HGSNAT: variants seen among roughly 807,000 people sequenced by gnomAD.
HGSNAT encodes the protein heparan-alpha-glucosaminide N-acetyltransferase.
A neutral mutation model predicts 85.2 loss-of-function variants in HGSNAT; 59 were observed. The observed-to-expected ratio is 0.69, with a 90% CI of 0.56 to 0.86. The LOEUF (loss-of-function observed/expected upper bound fraction) is 0.86, where lower values mean the gene tolerates loss of function less well. Ranked by LOEUF, HGSNAT falls within the 40% of genes least tolerant of loss-of-function variation. The pLI, the probability that HGSNAT is intolerant of heterozygous loss-of-function variation, is 0.00. For missense variants in HGSNAT, 756 were observed against 777.1 expected (o/e 0.97, Z 0.32); for synonymous variants, 321 against 304.5 (o/e 1.05, Z -0.56).
At chr8:43,147,706 T>C (rs112968808) in intron 2 of HGSNAT, among the ~76,000 whole-genome samples, 1,868 of 152,190 alleles carry the variant, frequency 0.012, 47 homozygotes, top group African/African-American at 0.041. Flanking sequence ...ATTGGGTACT[T>C]ATGAACATAA....
intron 1 of HGSNAT, among the ~76,000 whole-genome samples, chr8:43,142,776 A>G (rs1802592576): frequency 1.3e-5 from 2 of 152,254 alleles, no homozygotes; most frequent in Non-Finnish European, 2.9e-5. Flanking sequence ...GCCCCTCTGC[A>G]CATTCCCAAA....
chr8:43,160,969 A>T (rs967483718), intron 4 of HGSNAT, among the ~76,000 whole-genome samples: 20 of 152,130 alleles, frequency 1.3e-4, no homozygotes, highest in African/African-American at 4.8e-4. Flanking sequence ...TGCATTTTTT[A>T]CTGGTATACA....
rs1239460572 is a variant in HGSNAT at position 43,147,015 on chromosome 8, T to C, written c.186T>C (p.Leu62=). 2 of 1,609,760 alleles carry C rather than the reference T, an allele frequency of 1.2e-6. No homozygotes were observed. Among genetic ancestry groups the C allele is most frequent in the Non-Finnish European group, 1.7e-6 (2 of 1,178,716 alleles). ...DQALLLIHNE[L]LWTNLTVYWK... ...CTTTGCTACTCATCCATAATGAACT[T>C]CTCTGGACCAACTTGACCGTCTACT... Residue 62 remains leucine, a synonymous_variant, in exon 2 of 18, where the codon CTT becomes CTC. Coordinates refer to ENST00000379644, the MANE Select transcript of HGSNAT (RefSeq NM_152419.3).
chr8:43,149,699 CAAAA>C (rs932162299), intron 2 of HGSNAT, among the ~76,000 whole-genome samples: 2 of 129,158 alleles, frequency 1.5e-5, no homozygotes, highest in African/African-American at 2.9e-5. Context: ...GACTCTGTCT[CAAAA>C]AAAAAAAAAA....
chr8:43,172,995 T>C (rs905005487), intron 8 of HGSNAT, among the ~76,000 whole-genome samples: 14 of 152,332 alleles, frequency 9.2e-5, no homozygotes, highest in African/African-American at 3.4e-4. Flanking sequence ...GTTTACTTTC[T>C]TTTTTTAAAG....
chr8:43,164,486 C>T (rs537556963), intron 5 of HGSNAT, among the ~76,000 whole-genome samples: 11 of 152,092 alleles, frequency 7.2e-5, no homozygotes, highest in African/African-American at 1.9e-4. Context: ...TGATTTAAAG[C>T]GAGAGACGTG....
rs1325231089 is a variant in HGSNAT, at chr8:43,200,181, A to G, written c.*612A>G. 6.6e-6 allele frequency: 1 copy of G among 152,238 alleles called. No homozygotes were observed. Among genetic ancestry groups the G allele is most frequent in the Non-Finnish European group, 1.5e-5 (1 of 68,044 alleles). 9.4% of individuals were successfully genotyped at this position (152,238 alleles called of 1,614,324 possible). Reference sequence around the variant, plus strand: ...CCTTTTCCTCTCTCGAAAAGTTAAAATATCTATGTGTTATTCCCAAACCCT... The same window carrying G: ...CCTTTTCCTCTCTCGAAAAGTTAAAGTATCTATGTGTTATTCCCAAACCCT... On this transcript the variant is annotated 3_prime_UTR_variant, in exon 18 of 18. Coordinates refer to ENST00000379644, the MANE Select transcript of HGSNAT (RefSeq NM_152419.3).
chr8:43,186,722 A>G (rs1586745057), intron 11 of HGSNAT, among the ~76,000 whole-genome samples: 1 of 152,032 alleles, frequency 6.6e-6, no homozygotes, highest in Admixed American at 6.6e-5. Flanking sequence ...AGTTCTTTTA[A>G]TTGTGATGTT....
chr8:43,160,417 C>T (rs1459312535), intron 4 of HGSNAT, among the ~76,000 whole-genome samples: 1 of 152,148 alleles, frequency 6.6e-6, no homozygotes, highest in African/African-American at 2.4e-5. Context: ...ACACATCCAC[C>T]AGTCATGGGG....
chr8:43,189,596 C>T (rs986417832), intron 11 of HGSNAT, among the ~76,000 whole-genome samples: 1 of 152,104 alleles, frequency 6.6e-6, no homozygotes, highest in African/African-American at 2.4e-5. Flanking sequence ...GATGCTCCAC[C>T]CTGCTCCGTG....
intron 1 of HGSNAT, among the ~76,000 whole-genome samples, chr8:43,142,984 C>G (rs993674787): frequency 1.3e-5 from 2 of 152,182 alleles, no homozygotes; most frequent in Admixed American, 6.5e-5. Context: ...GCTTCATGGT[C>G]TCTTGGGTAT....
In HGSNAT at chr8:43,149,586, G is replaced by C. The variant is rs190244609; in HGVS notation, c.234+2523G>C. The stretch of plus-strand genomic sequence containing the variant: ...ATGGTGGCGGGCGCCTGTAGTCCCA[G>C]CTACTCAGGAGGCTGAGGCAGGAGA... On this transcript the variant is annotated intron_variant, in intron 2 of 17. Coordinates refer to ENST00000379644, the MANE Select transcript of HGSNAT (RefSeq NM_152419.3). Among the ~76,000 whole-genome samples, 1,202 of 151,794 alleles carry C rather than the reference G, an allele frequency of 7.9e-3. 15 individuals carry two copies. Among genetic ancestry groups the C allele is most frequent in the African/African-American group, 0.027 (1,136 of 41,344 alleles).
intron 2 of HGSNAT, among the ~76,000 whole-genome samples, chr8:43,150,463 A>G (rs1291821500): frequency 1.3e-5 from 2 of 152,030 alleles, no homozygotes; most frequent in Non-Finnish European, 2.9e-5. Context: ...CATCTCTTTC[A>G]AAACAAAACA....
chr8:43,143,910 AT>A (rs1289075587), intron 1 of HGSNAT, among the ~76,000 whole-genome samples: 4 of 151,960 alleles, frequency 2.6e-5, no homozygotes, highest in Non-Finnish European at 5.9e-5. Flanking sequence ...GGTTCTTTGT[AT>A]TACCTGGGAG....
chr8:43,161,346 G>A (rs568013832), intron 4 of HGSNAT, 92 bp from the exon 5 acceptor site: 15 of 1,017,062 alleles, frequency 1.5e-5, no homozygotes, highest in Admixed American at 2.1e-5. Context: ...CCCCTCACTG[G>A]TTTTCATTTA....
Position 43,140,626 on chromosome 8 carries a change from C to T in HGSNAT, c.118+12C>T, listed in dbSNP as rs1408305187. ...CGCGCCGCCACGAGGTGAGTGCACA[C>T]CTCCTACCGCCGCCCGGCCGGCTAC... is the stretch of plus-strand genomic sequence containing the variant. On this transcript the variant is annotated intron_variant, in intron 1 of 17. Transcript: ENST00000379644. 1 of 1,188,426 alleles carries T rather than the reference C, an allele frequency of 8.4e-7. No individual in the cohort carries two copies. The highest frequency in any genetic ancestry group is 1.1e-6 in the Non-Finnish European group (1 of 940,162). The allele number at this position is 1,188,426 out of a possible 1,614,324, so 73.6% of individuals were successfully genotyped here. A position where few individuals can be genotyped will look rare whatever the true frequency, so the allele number is the denominator to read the frequency against.
At chr8:43,154,770 G>C (rs534454242) in intron 2 of HGSNAT, among the ~76,000 whole-genome samples, 5 of 152,140 alleles carry the variant, frequency 3.3e-5, no homozygotes, top group African/African-American at 1.2e-4. Context: ...TCGCCACACC[G>C]ACTTCCACAG....
chr8:43,196,389 C>G (rs936905180), intron 14 of HGSNAT: 11 of 1,106,086 alleles, frequency 9.9e-6, no homozygotes, highest in Non-Finnish European at 1.3e-5. Context: ...GCCTCCCCCA[C>G]CCTGCCTCTG....
Position 43,177,512 on chromosome 8 carries a change from C to T in HGSNAT, c.852-562C>T, listed in dbSNP as rs551109712. Among the ~76,000 whole-genome samples, 17 of 135,686 alleles carry T rather than the reference C, an allele frequency of 1.3e-4. 1 individual carries two copies. Among genetic ancestry groups the T allele is most frequent in the South Asian group, 6.9e-4 (3 of 4,348 alleles). The allele number at this position is 135,686 out of a possible 152,430, so 89.0% of individuals were successfully genotyped here. The stretch of plus-strand genomic sequence containing the variant: ...GGCGGAGCTTGCAGTGAGCCGAGAT[C>T]GTGCCATTGCACTCCAGTCTGGGCA... On this transcript the variant is annotated intron_variant, in intron 9 of 17. Coordinates refer to ENST00000379644, the MANE Select transcript of HGSNAT (RefSeq NM_152419.3).
Sources: allele counts gnomAD v4.1 joint callset (sites outside exome capture counted in the v4.1 genomes callset), GRCh38; gene constraint gnomAD v4.1.1; transcripts MANE v1.5; gene names NCBI Gene and HGNC (gene_info 2026-07-23, HGNC 2026-07-21).